PCM1: variants seen among roughly 807,000 people sequenced by gnomAD.
PCM1 encodes pericentriolar material 1 protein.
In PCM1, 157 loss-of-function variants were observed where a neutral mutation model predicts 241.9. The observed-to-expected ratio is 0.65, with a 90% CI of 0.57 to 0.74. The LOEUF (loss-of-function observed/expected upper bound fraction) is 0.74. Ranked by LOEUF, PCM1 falls within the 30% of genes least tolerant of loss-of-function variation. The probability of loss-of-function intolerance (pLI) is 0.00; values close to 1 mark genes in which losing one functional copy is unlikely to be tolerated. For missense variants in PCM1, 3,478 were observed against 2,360.1 expected, an observed-to-expected ratio of 1.47 and a Z score of -9.81; for synonymous variants, 1,085 against 784.9, an observed-to-expected ratio of 1.38 and a Z score of -6.39.
intron 15 of PCM1, 147 bp downstream of exon 15, chr8:17,960,591 C>T (rs894777878): frequency 3.7e-6 from 2 of 546,084 alleles, no homozygotes; most frequent in African/African-American, 4.5e-5. Flanking sequence ...GTGGCGTGAT[C>T]TTGGCTCACT....
chr8:17,924,152 G>T (rs976216033), intron 1 of PCM1, among the ~76,000 whole-genome samples: 1 of 152,090 alleles, frequency 6.6e-6, no homozygotes, highest in African/African-American at 2.4e-5. Flanking sequence ...GTGTTCTCTG[G>T]TTACCGGAGT....
chr8:17,966,642 A>G (rs2074993063), intron 20 of PCM1, among the ~76,000 whole-genome samples, 169 bp downstream of exon 20: 1 of 152,200 alleles, frequency 6.6e-6, no homozygotes, highest in Non-Finnish European at 1.5e-5. Flanking sequence ...TTTTAATACC[A>G]TGGATTTCTG....
intron 25 of PCM1, among the ~76,000 whole-genome samples, 170 bp downstream of exon 25, chr8:17,985,789 A>T (rs2082384751): frequency 6.6e-6 from 1 of 151,536 alleles, no homozygotes; most frequent in African/African-American, 2.4e-5. Context: ...GCATTAAAGT[A>T]TTTTTTTTGA....
chr8:18,021,068 C>T (rs2093711677), intron 36 of PCM1, among the ~76,000 whole-genome samples: 1 of 152,108 alleles, frequency 6.6e-6, no homozygotes, highest in Admixed American at 6.5e-5. Context: ...CAGAATTGAC[C>T]AAGATCAAAT....
chr8:18,026,958 C>T (rs1267085549), intron 38 of PCM1, among the ~76,000 whole-genome samples: 1 of 152,152 alleles, frequency 6.6e-6, no homozygotes, highest in African/African-American at 2.4e-5. Context: ...AAATATCATT[C>T]ATTGTAGAGC....
chr8:17,967,611 G>A (rs1056978262), intron 21 of PCM1, among the ~76,000 whole-genome samples: 4 of 152,150 alleles, frequency 2.6e-5, no homozygotes, highest in Admixed American at 6.5e-5. Flanking sequence ...CCCAGCCTAC[G>A]TTGTTCCTTT....
chr8:17,956,511 T>G (rs2068563418), intron 10 of PCM1, 93 bp from the exon 11 acceptor site: 1 of 749,580 alleles, frequency 1.3e-6, no homozygotes, highest in African/African-American at 1.8e-5. Flanking sequence ...GGTCTAAATT[T>G]TGTTTCTGTT....
At chr8:17,930,225 C>T (rs936538799) in intron 2 of PCM1, among the ~76,000 whole-genome samples, 1 of 151,658 alleles carries the variant, frequency 6.6e-6, no homozygotes, top group South Asian at 2.1e-4. Flanking sequence ...CTCAGCCTCC[C>T]GAGTAGCTGG....
intron 7 of PCM1, among the ~76,000 whole-genome samples, chr8:17,947,949 G>A (rs2064442362): frequency 6.6e-6 from 1 of 152,140 alleles, no homozygotes; most frequent in Non-Finnish European, 1.5e-5. Flanking sequence ...TGAAAGTTGT[G>A]TTGAATTTCT....
intron 38 of PCM1, 83 bp downstream of exon 38, chr8:18,025,741 G>A: frequency 3.9e-6 from 3 of 777,410 alleles, no homozygotes; most frequent in South Asian, 3.5e-5. Context: ...TTTTAAATAT[G>A]CTACTACTGA....
intron 6 of PCM1, among the ~76,000 whole-genome samples, chr8:17,942,319 T>A (rs1011572996): frequency 6.6e-6 from 1 of 152,022 alleles, no homozygotes; most frequent in African/African-American, 2.4e-5. Flanking sequence ...ATACAAAAAT[T>A]AGCTGGGCAC....
Position 18,006,409 on chromosome 8 carries a change from T to C in PCM1, c.4962+12T>C, listed in dbSNP as rs761692251. ...GAAGTATATTACAGGTAAGAGTTTA[T>C]ACTTGTATGATTTACCAATATGTAC... is the stretch of plus-strand genomic sequence containing the variant. On this transcript the variant is annotated intron_variant, in intron 30 of 38. Coordinates refer to ENST00000325083, the MANE Select transcript of PCM1 (RefSeq NM_006197.4). The C allele has an allele frequency of 2.5e-6, 4 of 1,590,250 alleles. No homozygotes were observed. Among genetic ancestry groups the C allele is most frequent in the East Asian group, 2.2e-5 (1 of 44,724 alleles).
At chr8:18,003,775 C>T (rs1421550072) in intron 29 of PCM1, among the ~76,000 whole-genome samples, 3 of 151,776 alleles carry the variant, frequency 2.0e-5, no homozygotes, top group Non-Finnish European at 4.4e-5. Context: ...ATATATTTAC[C>T]TTCCATAAAA....
intron 21 of PCM1, among the ~76,000 whole-genome samples, chr8:17,968,908 G>T (rs527860506): frequency 6.6e-6 from 1 of 151,928 alleles, no homozygotes; most frequent in Non-Finnish European, 1.5e-5. Context: ...TAAGTAATAA[G>T]AAATTGCAAA....
chr8:17,928,644 T>A lies in PCM1; in HGVS notation c.-23+3864T>A, dbSNP rs796235144. Among the ~76,000 whole-genome samples the A allele has an allele frequency of 1.5e-3, 114 of 78,366 alleles. 4 individuals carry two copies. In the South Asian group the frequency reaches 0.033, roughly 23 times the overall value. 51.4% of individuals were successfully genotyped at this position (78,366 alleles called of 152,430 possible). ...TTTTTTTTTTTTTTTTTTTTTTTTT[T>A]AAAGTGAGGCGGAGTTTCTCTCTTG... is the stretch of plus-strand genomic sequence containing the variant. On this transcript the variant is annotated intron_variant, in intron 2 of 38. Coordinates refer to ENST00000325083, the MANE Select transcript of PCM1 (RefSeq NM_006197.4).
chr8:17,965,298 G>A (rs192590558), intron 18 of PCM1, among the ~76,000 whole-genome samples: 1 of 152,228 alleles, frequency 6.6e-6, no homozygotes, highest in African/African-American at 2.4e-5. Flanking sequence ...TTGCTTAAGC[G>A]CAATTGATAA....
rs35468848 is a variant in PCM1, at chr8:17,961,304, C to CTTTTTTTT, written c.2323-713_2323-706dup. On this transcript the variant is annotated intron_variant, in intron 15 of 38. Transcript: ENST00000325083. ...TATTTTCCCAGAGTTTATTGGCTAG[C>CTTTTTTTT]TTTTTTTTTTTTTTTTTTTTTTTTG... Among the ~76,000 whole-genome samples the CTTTTTTTT allele has an allele frequency of 1.5e-3, 115 of 79,142 alleles. 7 individuals are homozygous for CTTTTTTTT. The highest frequency in any genetic ancestry group is 4.1e-3 in the African/African-American group (78 of 18,986). The allele number at this position is 79,142 out of a possible 152,430, so 51.9% of individuals were successfully genotyped here. A position where few individuals can be genotyped will look rare whatever the true frequency, so the allele number is the denominator to read the frequency against.
chr8:17,942,809 C>T (rs2062562628), intron 6 of PCM1, among the ~76,000 whole-genome samples: 1 of 152,104 alleles, frequency 6.6e-6, no homozygotes, highest in South Asian at 2.1e-4. Flanking sequence ...GTCTGGCCAA[C>T]ATAGTGAAAC....
At chr8:17,924,427 T>TA (rs2056056295) in intron 1 of PCM1, among the ~76,000 whole-genome samples, 1 of 152,230 alleles carries the variant, frequency 6.6e-6, no homozygotes, top group Non-Finnish European at 1.5e-5. Context: ...CATAGACTAT[T>TA]AAAGGATAGT....
Sources: allele counts gnomAD v4.1 joint callset (sites outside exome capture counted in the v4.1 genomes callset), GRCh38; gene constraint gnomAD v4.1.1; transcripts MANE v1.5; gene names NCBI Gene and HGNC (gene_info 2026-07-23, HGNC 2026-07-21).